Variants in PUF60 observed in about 807,000 individuals in gnomAD.
PUF60 encodes poly(U) binding splicing factor 60.
A neutral mutation model predicts 61.8 loss-of-function variants in PUF60; 10 were observed. The observed-to-expected ratio is 0.16, with a 90% CI of 0.10 to 0.27. The LOEUF (loss-of-function observed/expected upper bound fraction) is 0.27, where lower values mean the gene tolerates loss of function less well. Among genes scored for constraint, PUF60 ranks in the 10% least tolerant of loss-of-function variants. The pLI is 1.00. For missense variants in PUF60, 371 were observed against 754.0 expected (o/e 0.49, Z 5.95); for synonymous variants, 353 against 300.9 (o/e 1.17, Z -1.79).
chr8:143,829,108 G>T, intron 1 of PUF60, 172 bp downstream of exon 1: 1 of 1,146,238 alleles, frequency 8.7e-7, no homozygotes, highest in Non-Finnish European at 1.1e-6. Flanking sequence ...CGAGCCGGCC[G>T]CCGGCGCGCG....
intron 11 of PUF60, 27 bp downstream of exon 11, chr8:143,816,883 C>T (rs766595789): frequency 6.4e-7 from 1 of 1,566,022 alleles, no homozygotes; most frequent in South Asian, 1.2e-5. Context: ...ACCCTCTCCC[C>T]CGCCACCACC....
chr8:143,819,103 G>T (rs1006689734), intron 5 of PUF60: 1 of 152,870 alleles, frequency 6.5e-6, no homozygotes, highest in Non-Finnish European at 1.5e-5. Flanking sequence ...AACTCAGGTG[G>T]GGGCTCATGC....
At chr8:143,824,942 G>A (rs1485852047) in intron 1 of PUF60, 2 of 162,716 alleles carry the variant, frequency 1.2e-5, no homozygotes, top group African/African-American at 4.8e-5. Flanking sequence ...CCTGGCAACA[G>A]AACCATCCAG....
At chr8:143,820,493 G>C in intron 5 of PUF60, 173 bp downstream of exon 5, 2 of 722,756 alleles carry the variant, frequency 2.8e-6, no homozygotes, top group Non-Finnish European at 4.7e-6. Context: ...GGGCGGTCCC[G>C]GGTGGGTGCC....
intron 1 of PUF60, chr8:143,828,922 G>A (rs2130472454): frequency 1.0e-6 from 1 of 986,604 alleles, no homozygotes; most frequent in Non-Finnish European, 1.2e-6. Context: ...CCCCGCTTCC[G>A]TCGTGACCAC....
In PUF60 at chr8:143,820,736, G is replaced by A. The variant is rs747137261; in HGVS notation, c.298-20C>T. 6.2e-7 allele frequency: 1 copy of A among 1,610,420 alleles called. No homozygotes were observed. The highest frequency in any genetic ancestry group is 1.1e-5 in the South Asian group (1 of 91,036). Reference sequence around the variant, plus strand: ...TGCCATCTGAAAGACAGTAAAGACAGAGTTCAGTCTGTTGGAGCCGAGCAG... The same window carrying A: ...TGCCATCTGAAAGACAGTAAAGACAAAGTTCAGTCTGTTGGAGCCGAGCAG... On this transcript the variant is annotated intron_variant, in intron 4 of 11. Transcript: ENST00000526683.
intron 4 of PUF60, among the ~76,000 whole-genome samples, chr8:143,821,001 C>T (rs193051495): frequency 6.6e-6 from 1 of 152,244 alleles, no homozygotes; most frequent in East Asian, 1.9e-4. Context: ...CAGGACATCT[C>T]CTGGTAGCGT....
chr8:143,822,393 C>T, intron 2 of PUF60: 1 of 426,490 alleles, frequency 2.3e-6, no homozygotes, highest in Non-Finnish European at 4.8e-6. Flanking sequence ...GCTCAGCTTC[C>T]CTGGAGTTTC....
Position 143,816,426 on chromosome 8 carries a change from G to T in PUF60, c.*94C>A. ...TTTATCCGCACTGTAGGCTGGGCTG[G>T]GCAGAGCGCGCCTGGCCCCGGGGAC... is the stretch of plus-strand genomic sequence containing the variant. On this transcript the variant is annotated 3_prime_UTR_variant, in exon 12 of 12. Coordinates refer to ENST00000526683, the MANE Select transcript of PUF60 (RefSeq NM_078480.3). The T allele has an allele frequency of 7.1e-7, 1 of 1,399,642 alleles. No individual in the cohort carries two copies. The highest frequency in any genetic ancestry group is 9.6e-7 in the Non-Finnish European group (1 of 1,042,046). The allele number at this position is 1,399,642 out of a possible 1,614,324, so 86.7% of individuals were successfully genotyped here.
chr8:143,824,416 G>A lies in PUF60; in HGVS notation c.25-17C>T, dbSNP rs775495344. ...ATTGACCTGCTGCAGGCAGGAAGGA[G>A]ATGTTGTAACGACAGGCACACCACC... On this transcript the variant is annotated splice_polypyrimidine_tract_variant and intron_variant, in intron 1 of 11. Coordinates refer to ENST00000526683, the MANE Select transcript of PUF60 (RefSeq NM_078480.3). 6.8e-6 allele frequency: 11 copies of A among 1,609,890 alleles called. No homozygotes were observed. The highest frequency in any genetic ancestry group is 1.7e-4 in the Middle Eastern group (1 of 6,058).
Position 143,818,572 on chromosome 8 carries a change from C to A in PUF60, c.349-38G>T. The A allele has an allele frequency of 6.6e-7, 1 of 1,526,404 alleles. No homozygotes were observed. Among genetic ancestry groups the A allele is most frequent in the Non-Finnish European group, 8.8e-7 (1 of 1,133,622 alleles). 94.6% of individuals were successfully genotyped at this position (1,526,404 alleles called of 1,614,324 possible). A position where few individuals can be genotyped will look rare whatever the true frequency, so the allele number is the denominator to read the frequency against. ...AGAGGGGAGAGAACCGCTGGCTCGT[C>A]AGGGGCGGCAGGAAGCTGGGCAGCC... On this transcript the variant is annotated intron_variant, in intron 5 of 11. Transcript: ENST00000526683. This position sits in a 1 kb window ranked among gnomAD's most constrained non-coding sequence, Gnocchi z 7.9.
intron 1 of PUF60, chr8:143,824,683 G>A (rs113965413): frequency 8.5e-6 from 4 of 472,028 alleles, no homozygotes; most frequent in Non-Finnish European, 1.5e-5. Flanking sequence ...TCCTGCCCCA[G>A]GCAAAAGAAA....
At chr8:143,829,205 T>A in intron 1 of PUF60, 75 bp downstream of exon 1, 1 of 1,231,232 alleles carries the variant, frequency 8.1e-7, no homozygotes, top group Non-Finnish European at 1.0e-6. Context: ...TGGGAGGCCC[T>A]CCGCGCCCAG....
chr8:143,828,038 G>A (rs1817834721), intron 1 of PUF60, among the ~76,000 whole-genome samples: 1 of 152,184 alleles, frequency 6.6e-6, no homozygotes, highest in Admixed American at 6.5e-5. Context: ...TTTCTCTCTG[G>A]AGTGCCCCTC....
At chr8:143,825,256 C>T (rs1426451417) in intron 1 of PUF60, 4 of 152,276 alleles carry the variant, frequency 2.6e-5, no homozygotes, top group African/African-American at 9.7e-5. Context: ...CGTGCCCACC[C>T]TTGGAGCCAT....
At chr8:143,827,564 C>T (rs762987201) in intron 1 of PUF60, 3 of 412,480 alleles carry the variant, frequency 7.3e-6, no homozygotes, top group African/African-American at 6.2e-5. Context: ...AGGGGACAGG[C>T]TCTCATCACT....
intron 5 of PUF60, among the ~76,000 whole-genome samples, chr8:143,819,908 CAG>C (rs2130291838): frequency 6.6e-6 from 1 of 152,306 alleles, no homozygotes; most frequent in African/African-American, 2.4e-5. Flanking sequence ...AGATGCTTCC[CAG>C]AGAGAACAAG....
Position 143,816,347 on chromosome 8 carries a change from G to C in PUF60, c.*173C>G. On this transcript the variant is annotated 3_prime_UTR_variant, in exon 12 of 12. Transcript: ENST00000526683. ...CCCTAAGGACACACGCCCAGGATCGGTGACAGGACCGACGGCAGACACACG... is the reference window on the plus strand; with the variant it reads ...CCCTAAGGACACACGCCCAGGATCGCTGACAGGACCGACGGCAGACACACG... 1 of 717,156 alleles carries C rather than the reference G, an allele frequency of 1.4e-6. No homozygotes were observed. Among genetic ancestry groups the C allele is most frequent in the Non-Finnish European group, 2.2e-6 (1 of 444,450 alleles). The allele number at this position is 717,156 out of a possible 1,614,324, so 44.4% of individuals were successfully genotyped here. A position where few individuals can be genotyped will look rare whatever the true frequency, so the allele number is the denominator to read the frequency against.
Position 143,817,158 on chromosome 8 carries a change from CA to C in PUF60, c.1145-14del. 1.9e-6 allele frequency: 3 copies of C among 1,578,588 alleles called. No individual in the cohort carries two copies. The highest frequency in any genetic ancestry group is 2.6e-6 in the Non-Finnish European group (3 of 1,161,674). Reference sequence around the variant, plus strand: ...GCTGGGGTCACACCTGCAGGAAAACCAACCAGGTCCATCAGTCACTCCCTAC... The same window carrying C: ...GCTGGGGTCACACCTGCAGGAAAACCACCAGGTCCATCAGTCACTCCCTAC... On this transcript the variant is annotated splice_polypyrimidine_tract_variant and intron_variant, in intron 10 of 11. Coordinates refer to ENST00000526683, the MANE Select transcript of PUF60 (RefSeq NM_078480.3). The surrounding 1 kb of genome is among the most constrained non-coding windows in gnomAD (Gnocchi z 7.4).
Sources: allele counts gnomAD v4.1 joint callset (sites outside exome capture counted in the v4.1 genomes callset), GRCh38; gene constraint gnomAD v4.1.1; non-coding constraint Gnocchi (gnomAD v3.1); transcripts MANE v1.5; gene names NCBI Gene and HGNC (gene_info 2026-07-23, HGNC 2026-07-21).